GAST: variants seen among roughly 807,000 people sequenced by gnomAD.
GAST encodes preprogastrin.
GAST carries 9 observed loss-of-function variants against 12.5 expected under a neutral mutation model. That is an observed-to-expected ratio of 0.72 (90% confidence interval 0.43 to 1.25). The LOEUF is 1.25. Ranked by LOEUF, GAST falls within the 50% of genes most tolerant of loss-of-function variation. The probability of loss-of-function intolerance (pLI) is 0.00; values close to 1 mark genes in which losing one functional copy is unlikely to be tolerated. For synonymous variants in GAST, 52 were observed against 51.1 expected, an observed-to-expected ratio of 1.02 and a Z score of -0.08; for missense variants, 121 against 127.7, an observed-to-expected ratio of 0.95 and a Z score of 0.25.
At chr17:41,714,032 C>T (rs1360330223) in intron 1 of GAST, among the ~76,000 whole-genome samples, 1 of 152,176 alleles carries the variant, frequency 6.6e-6, no homozygotes, top group Non-Finnish European at 1.5e-5. Context: ...GACAGGAGAA[C>T]CTTTCCTCTC....
chr17:41,715,485 G>A lies in GAST; in HGVS notation c.49G>A (p.Ala17Thr), dbSNP rs141697465. 3.0e-5 allele frequency: 49 copies of A among 1,613,682 alleles called. No individual in the cohort carries two copies. The highest frequency in any genetic ancestry group is 4.0e-5 in the Non-Finnish European group (47 of 1,180,008). ...GCTGATCTTTGCACTGGCTCTGGCC[G>A]CCTTCTCTGAAGCTTCTTGGAAGCC... Reference protein sequence around the residue: ...YVLIFALALAAFSEASWKPRS... With the variant: ...YVLIFALALATFSEASWKPRS... The change falls in exon 2 of 3, where the codon GCC becomes ACC. Residue 17 changes from alanine (A) to threonine (T), a missense_variant. Physicochemically the swap from Ala to Thr is moderately conservative, Grantham distance 58. Transcript: ENST00000329402.
At chr17:41,714,298 A>G (rs1167426867) in intron 1 of GAST, among the ~76,000 whole-genome samples, 1 of 152,010 alleles carries the variant, frequency 6.6e-6, no homozygotes, top group Non-Finnish European at 1.5e-5. Flanking sequence ...TCGGCCTCCC[A>G]AGTAGCTGGG....
At chr17:41,714,424 C>T (rs1012512528) in intron 1 of GAST, among the ~76,000 whole-genome samples, 11 of 152,112 alleles carry the variant, frequency 7.2e-5, no homozygotes, top group Admixed American at 1.3e-4. Flanking sequence ...CCATCCTCCT[C>T]AGCCTCCCAA....
chr17:41,715,886 A>T lies in GAST; in HGVS notation c.*14A>T. 1 of 1,584,806 alleles carries T rather than the reference A, an allele frequency of 6.3e-7. No individual in the cohort carries two copies. The highest frequency in any genetic ancestry group is 8.6e-7 in the Non-Finnish European group (1 of 1,168,292). On this transcript the variant is annotated 3_prime_UTR_variant, in exon 3 of 3. Coordinates refer to ENST00000329402, the MANE Select transcript of GAST (RefSeq NM_000805.5). ...GATGAGAACTAACAATCCTAGAACC[A>T]AGCTTCAGAGCCTAGCCACCTCCCA...
chr17:41,715,203 G>A (rs1910941492), intron 1 of GAST, among the ~76,000 whole-genome samples: 1 of 151,968 alleles, frequency 6.6e-6, no homozygotes, highest in Admixed American at 6.6e-5. Flanking sequence ...TGGAGGCTGA[G>A]GCAGGAGAAT....
chr17:41,712,465 A>C (rs1216775634), intron 1 of GAST, 78 bp downstream of exon 1: 1 of 152,236 alleles, frequency 6.6e-6, no homozygotes, highest in Non-Finnish European at 1.5e-5. Flanking sequence ...GTACCAGGCC[A>C]CTGGCCAGAG....
chr17:41,715,417 T>G lies in GAST; in HGVS notation c.-5-15T>G. 1 of 1,600,908 alleles carries G rather than the reference T, an allele frequency of 6.2e-7. No individual in the cohort carries two copies. Among genetic ancestry groups the G allele is most frequent in the Non-Finnish European group, 8.5e-7 (1 of 1,170,044 alleles). On this transcript the variant is annotated splice_polypyrimidine_tract_variant and intron_variant, in intron 1 of 2. Coordinates refer to ENST00000329402, the MANE Select transcript of GAST (RefSeq NM_000805.5). ...ACAGCCTCACCCTTAAGCTAGTCCC[T>G]TCTCCCCTTTGCAGACGAGATGCAG...
Position 41,715,846 on chromosome 17 carries a change from C to G in GAST, c.280C>G (p.Arg94Gly), listed in dbSNP as rs782768915. ...EEAYGWMDFG[R>G]RSAEDEN The stretch of plus-strand genomic sequence containing the variant: ...AGCCTATGGATGGATGGACTTCGGC[C>G]GCCGCAGTGCTGAGGATGAGAACTA... The change falls in exon 3 of 3, where the codon CGC becomes GGC. Residue 94 changes from arginine (R) to glycine (G), a missense_variant. Coordinates refer to ENST00000329402, the MANE Select transcript of GAST (RefSeq NM_000805.5). The G allele has an allele frequency of 2.5e-5, 40 of 1,610,258 alleles. No individual in the cohort carries two copies. The highest frequency in any genetic ancestry group is 3.3e-5 in the Non-Finnish European group (39 of 1,178,718).
rs1555585896 is a variant in GAST at position 41,715,889 on chromosome 17, C to T, written c.*17C>T. On this transcript the variant is annotated 3_prime_UTR_variant, in exon 3 of 3. Coordinates refer to ENST00000329402, the MANE Select transcript of GAST (RefSeq NM_000805.5). ...GAGAACTAACAATCCTAGAACCAAG[C>T]TTCAGAGCCTAGCCACCTCCCACCC... is the stretch of plus-strand genomic sequence containing the variant. The T allele has an allele frequency of 2.5e-6, 4 of 1,573,378 alleles. No individual in the cohort carries two copies. The highest frequency in any genetic ancestry group is 1.2e-5 in the South Asian group (1 of 84,514).
At chr17:41,712,954 G>T (rs1396109576) in intron 1 of GAST, among the ~76,000 whole-genome samples, 1 of 152,076 alleles carries the variant, frequency 6.6e-6, no homozygotes, top group Admixed American at 6.6e-5. Flanking sequence ...TTTTTATATA[G>T]AGTCTCGCCG....
At chr17:41,715,729 C>T (rs370408695) in intron 2 of GAST, 49 bp from the exon 3 acceptor site, 4 of 1,593,504 alleles carry the variant, frequency 2.5e-6, no homozygotes, top group Non-Finnish European at 3.4e-6. Context: ...ACTTCAGTTC[C>T]TGGAAGGTAG....
chr17:41,715,628 T>C lies in GAST; in HGVS notation c.192T>C (p.Gly64=). 6.2e-7 allele frequency: 1 copy of C among 1,613,484 alleles called. No individual in the cohort carries two copies. Among genetic ancestry groups the C allele is most frequent in the Non-Finnish European group, 8.5e-7 (1 of 1,179,854 alleles). ...ATCGAAGGCAGCTGGGACCCCAGGG[T>C]CCCCCACACCTCGTGGCAGGTAGGA... ...SHHRRQLGPQ[G]PPHLVADPSK... The change falls in exon 2 of 3, where the codon GGT becomes GGC. Residue 64 remains glycine, a synonymous_variant. Coordinates refer to ENST00000329402, the MANE Select transcript of GAST (RefSeq NM_000805.5).
In GAST at chr17:41,715,461, C is replaced by T. The variant is rs144655796; in HGVS notation, c.25C>T (p.Leu9=). 4.0e-5 allele frequency: 64 copies of T among 1,613,880 alleles called. No individual in the cohort carries two copies. The highest frequency in any genetic ancestry group is 5.3e-5 in the Non-Finnish European group (62 of 1,179,908). MQRLCVYV[L]IFALALAAFS... ...GATGCAGCGACTGTGTGTGTATGTG[C>T]TGATCTTTGCACTGGCTCTGGCCGC... The change falls in exon 2 of 3, where the codon CTG becomes TTG. Residue 9 remains leucine, a synonymous_variant. Transcript: ENST00000329402.
chr17:41,715,019 C>G (rs754456186), intron 1 of GAST, among the ~76,000 whole-genome samples: 3 of 151,986 alleles, frequency 2.0e-5, no homozygotes, highest in Non-Finnish European at 4.4e-5. Flanking sequence ...TGCAGACTCA[C>G]CCGGGTGCGG....
In GAST at chr17:41,715,512, C is replaced by T. The variant is rs1205083769; in HGVS notation, c.76C>T (p.Arg26Cys). The T allele has an allele frequency of 6.2e-6, 10 of 1,613,606 alleles. No individual in the cohort carries two copies. Among genetic ancestry groups the T allele is most frequent in the Admixed American group, 1.7e-5 (1 of 59,990 alleles). The change falls in exon 2 of 3, where the codon CGC becomes TGC. Residue 26 changes from arginine (R) to cysteine (C), a missense_variant. Transcript: ENST00000329402. ...CTTCTCTGAAGCTTCTTGGAAGCCC[C>T]GCTCCCAGCAGCCAGATGCACCCTT... is the stretch of plus-strand genomic sequence containing the variant. ...AAFSEASWKP[R>C]SQQPDAPLGT...
chr17:41,715,555 G>C lies in GAST; in HGVS notation c.119G>C (p.Arg40Thr). The change falls in exon 2 of 3, where the codon AGG becomes ACG. Residue 40 changes from arginine (R) to threonine (T), a missense_variant. Coordinates refer to ENST00000329402, the MANE Select transcript of GAST (RefSeq NM_000805.5). ...GCACCCTTAGGTACAGGGGCCAACA[G>C]GGACCTGGAGCTACCCTGGCTGGAG... ...PDAPLGTGAN[R>T]DLELPWLEQQ... The C allele has an allele frequency of 6.2e-7, 1 of 1,613,496 alleles. No individual in the cohort carries two copies. The highest frequency in any genetic ancestry group is 8.5e-7 in the Non-Finnish European group (1 of 1,180,038).
chr17:41,712,964 G>A (rs1481889889), intron 1 of GAST, among the ~76,000 whole-genome samples: 3 of 152,044 alleles, frequency 2.0e-5, no homozygotes, highest in South Asian at 2.1e-4. Flanking sequence ...GAGTCTCGCC[G>A]TGTCACCCAG....
rs1474661556 is a variant in GAST at position 41,715,767 on chromosome 17, C to G, written c.212-11C>G. On this transcript the variant is annotated splice_polypyrimidine_tract_variant and intron_variant, in intron 2 of 2. Transcript: ENST00000329402. ...ATCCTTCCCCCATTCTCGCCTCTCT[C>G]ACCTCCTCAGACCCGTCCAAGAAGC... The G allele has an allele frequency of 5.0e-5, 80 of 1,601,368 alleles. No homozygotes were observed. The highest frequency in any genetic ancestry group is 6.6e-5 in the Non-Finnish European group (78 of 1,175,430).
chr17:41,712,627 C>T (rs1274491223), intron 1 of GAST, among the ~76,000 whole-genome samples: 1 of 152,232 alleles, frequency 6.6e-6, no homozygotes, highest in Non-Finnish European at 1.5e-5. Context: ...CTTAGCCTAT[C>T]CCTTCACACT....
Sources: allele counts gnomAD v4.1 joint callset (sites outside exome capture counted in the v4.1 genomes callset), GRCh38; gene constraint gnomAD v4.1.1; transcripts MANE v1.5; gene names NCBI Gene and HGNC (gene_info 2026-07-23, HGNC 2026-07-21).